EIF4A2: variants seen among roughly 807,000 people sequenced by gnomAD.
EIF4A2 encodes eukaryotic initiation factor 4A-II.
A neutral mutation model predicts 50.6 loss-of-function variants in EIF4A2; 9 were observed. The ratio of observed to expected loss-of-function variants is 0.18; its 90% CI spans 0.11 to 0.31. The LOEUF (loss-of-function observed/expected upper bound fraction) is 0.31, where lower values mean the gene tolerates loss of function less well. EIF4A2 is among the 10% of genes least tolerant of loss of function. The pLI, the probability that EIF4A2 is intolerant of heterozygous loss-of-function variation, is 1.00. For missense variants in EIF4A2, 182 were observed against 501.8 expected (o/e 0.36, Z 6.09); for synonymous variants, 215 against 164.4 (o/e 1.31, Z -2.35).
rs765159897 is a variant in EIF4A2 at position 186,784,678 on chromosome 3, A to G, written c.190A>G (p.Ile64Val). 5.6e-6 allele frequency: 9 copies of G among 1,614,158 alleles called. No homozygotes were observed. The highest frequency in any genetic ancestry group is 1.3e-5 in the African/African-American group (1 of 75,058). Reference sequence around the variant, plus strand: ...GCCTTCCGCTATTCAGCAGAGAGCTATTATTCCCTGTATTAAAGGTAAAAG... The same window carrying G: ...GCCTTCCGCTATTCAGCAGAGAGCTGTTATTCCCTGTATTAAAGGTAAAAG... Reference protein sequence around the residue: ...EKPSAIQQRAIIPCIKGYDVI... With the variant: ...EKPSAIQQRAVIPCIKGYDVI... The change falls in exon 3 of 11, where the codon ATT (isoleucine) becomes GTT (valine). Residue 64 changes from isoleucine (I) to valine (V), a missense_variant. By Grantham distance (29) the Ile-to-Val change is conservative (BLOSUM62 3). Transcript: ENST00000323963.
At chr3:186,785,559 A>G (rs1263810577) in intron 4 of EIF4A2, 4 of 321,470 alleles carry the variant, frequency 1.2e-5, no homozygotes, top group Non-Finnish European at 2.3e-5. Context: ...GAAAAAAATC[A>G]TTTGCCCTAG....
In EIF4A2 at chr3:186,785,958, C is replaced by A; in HGVS notation, c.424C>A (p.Arg142=). The A allele has an allele frequency of 1.9e-6, 3 of 1,613,038 alleles. No individual in the cohort carries two copies. Among genetic ancestry groups the A allele is most frequent in the Non-Finnish European group, 2.5e-6 (3 of 1,179,116 alleles). The change falls in exon 5 of 11, where the codon CGA becomes AGA. Residue 142 remains arginine (R), a synonymous_variant. Coordinates refer to ENST00000323963, the MANE Select transcript of EIF4A2 (RefSeq NM_001967.4). ...CHACIGGTNV[R]NEMQKLQAEA... is the part of the protein sequence containing the mutation. ...TGCCTGCATTGGTGGAACAAATGTTCGAAATGAAATGCAAAAACTGCAGGC... is the reference window on the plus strand; with the variant it reads ...TGCCTGCATTGGTGGAACAAATGTTAGAAATGAAATGCAAAAACTGCAGGC...
rs1721984548 is a variant in EIF4A2, at chr3:186,789,284, G to A, written c.*15G>A. The A allele has an allele frequency of 1.2e-6, 2 of 1,600,090 alleles. No homozygotes were observed. Among genetic ancestry groups the A allele is most frequent in the South Asian group, 1.1e-5 (1 of 89,554 alleles). ...ACCTTATTTAATTCCTGGGATGAGA[G>A]TTTTGGATGCAGTGCTCGCTGTTGC... On this transcript the variant is annotated 3_prime_UTR_variant, in exon 11 of 11. Coordinates refer to ENST00000323963, the MANE Select transcript of EIF4A2 (RefSeq NM_001967.4).
intron 4 of EIF4A2, chr3:186,785,647 A>G (rs1026843439): frequency 3.5e-5 from 17 of 481,796 alleles, no homozygotes; most frequent in Middle Eastern, 5.5e-4. Context: ...TTATTCTTGG[A>G]TTGTCTAGCT....
At chr3:186,788,494 T>C (rs1721906755) in intron 10 of EIF4A2, 1 of 1,155,560 alleles carries the variant, frequency 8.7e-7, no homozygotes, top group Non-Finnish European at 1.1e-6. Context: ...TTTTTTTGTA[T>C]TAGTATTTCT....
At chr3:186,787,323 A>AGCT in intron 8 of EIF4A2, 59 bp downstream of exon 8, 1 of 1,613,738 alleles carries the variant, frequency 6.2e-7, no homozygotes, top group Non-Finnish European at 8.5e-7. Context: ...ACTACAATAT[A>AGCT]GCTGCTAAGT....
chr3:186,786,317 T>C, intron 6 of EIF4A2, 44 bp downstream of exon 6: 1 of 1,571,790 alleles, frequency 6.4e-7, no homozygotes, highest in Non-Finnish European at 8.7e-7. Flanking sequence ...AGATGGGGTT[T>C]ATTTAATGCA....
chr3:186,789,295 A>G lies in EIF4A2; in HGVS notation c.*26A>G. ...TTCCTGGGATGAGAGTTTTGGATGC[A>G]GTGCTCGCTGTTGCTGAATAGGCGA... is the stretch of plus-strand genomic sequence containing the variant. On this transcript the variant is annotated 3_prime_UTR_variant, in exon 11 of 11. Transcript: ENST00000323963. 6.3e-7 allele frequency: 1 copy of G among 1,593,516 alleles called. No homozygotes were observed. The highest frequency in any genetic ancestry group is 8.5e-7 in the Non-Finnish European group (1 of 1,170,216).
chr3:186,787,746 C>T (rs1434424180), intron 9 of EIF4A2, 57 bp from the exon 10 acceptor site: 5 of 1,609,614 alleles, frequency 3.1e-6, no homozygotes, highest in African/African-American at 2.7e-5. Flanking sequence ...TTGTGGCCTA[C>T]ATGACAGGTG....
chr3:186,788,864 C>G (rs1721948972), intron 10 of EIF4A2: 1 of 404,160 alleles, frequency 2.5e-6, no homozygotes, highest in African/African-American at 2.1e-5. Context: ...AAACACGATA[C>G]TGTCATCTGC....
Position 186,789,781 on chromosome 3 carries a change from C to T in EIF4A2, c.*512C>T. 4 of 559,774 alleles carry T rather than the reference C, an allele frequency of 7.1e-6. No homozygotes were observed. Among genetic ancestry groups the T allele is most frequent in the East Asian group, 5.9e-5 (2 of 34,012 alleles). 34.7% of individuals were successfully genotyped at this position (559,774 alleles called of 1,614,324 possible). ...AATTAGTGCTAAGTGTGAACTGGAC[C>T]CTGTTGCTAAGCCCCAGCAAGCAAT... On this transcript the variant is annotated 3_prime_UTR_variant, in exon 11 of 11. Transcript: ENST00000323963.
At chr3:186,788,591 A>G (rs1376364088) in intron 10 of EIF4A2, 3 of 377,162 alleles carry the variant, frequency 8.0e-6, no homozygotes, top group African/African-American at 2.1e-5. Context: ...CGTTTAGAGT[A>G]ATTTGAGTTA....
Position 186,789,786 on chromosome 3 carries a change from T to TG in EIF4A2, c.*518dup. On this transcript the variant is annotated 3_prime_UTR_variant, in exon 11 of 11. Coordinates refer to ENST00000323963, the MANE Select transcript of EIF4A2 (RefSeq NM_001967.4). ...GTGCTAAGTGTGAACTGGACCCTGT[T>TG]GCTAAGCCCCAGCAAGCAATCCTAG... is the stretch of plus-strand genomic sequence containing the variant. The TG allele has an allele frequency of 1.7e-6, 1 of 572,996 alleles. No homozygotes were observed. The highest frequency in any genetic ancestry group is 3.1e-6 in the Non-Finnish European group (1 of 324,490). 35.5% of individuals were successfully genotyped at this position (572,996 alleles called of 1,614,324 possible).
rs746340390 is a variant in EIF4A2, at chr3:186,786,667, A to G, written c.771+22A>G. On this transcript the variant is annotated intron_variant, in intron 7 of 10. Coordinates refer to ENST00000323963, the MANE Select transcript of EIF4A2 (RefSeq NM_001967.4). ...AGAGGTAACTGTCTGATTGTTAGACATTATTTTACCTTCTTGTATAAGCAC... is the reference window on the plus strand; with the variant it reads ...AGAGGTAACTGTCTGATTGTTAGACGTTATTTTACCTTCTTGTATAAGCAC... 3.1e-6 allele frequency: 5 copies of G among 1,613,700 alleles called. No homozygotes were observed. In the East Asian group the frequency reaches 6.7e-5, roughly 22 times the overall value.
chr3:186,787,031 T>C, intron 7 of EIF4A2, 96 bp from the exon 8 acceptor site: 1 of 1,489,954 alleles, frequency 6.7e-7, no homozygotes, highest in African/African-American at 1.4e-5. Flanking sequence ...GGGCTGGGAT[T>C]ACAGGCATTA....
At chr3:186,786,088 C>G (rs200902301) in intron 5 of EIF4A2, 37 bp downstream of exon 5, 1 of 1,599,722 alleles carries the variant, frequency 6.3e-7, no homozygotes, top group Non-Finnish European at 8.6e-7. Context: ...TTTTTTAAAA[C>G]TGTTAACATA....
chr3:186,786,346 C>G lies in EIF4A2; in HGVS notation c.627+73C>G, dbSNP rs1285629049. 1.2e-5 allele frequency: 18 copies of G among 1,524,540 alleles called. No homozygotes were observed. The Admixed American group carries it at 3.2e-4, about 28-fold the overall frequency. The allele number at this position is 1,524,540 out of a possible 1,614,324, so 94.4% of individuals were successfully genotyped here. On this transcript the variant is annotated intron_variant, in intron 6 of 10. Coordinates refer to ENST00000323963, the MANE Select transcript of EIF4A2 (RefSeq NM_001967.4). Reference sequence around the variant, plus strand: ...TAATGCAGGTACTGTTACAATACAACTGATGTGTTTTGTTGTCGTTCCCCC... The same window carrying G: ...TAATGCAGGTACTGTTACAATACAAGTGATGTGTTTTGTTGTCGTTCCCCC...
chr3:186,784,238 G>C, intron 1 of EIF4A2, 194 bp from the exon 2 acceptor site: 2 of 752,932 alleles, frequency 2.7e-6, no homozygotes, highest in Non-Finnish European at 4.2e-6. Flanking sequence ...CGGGCCTGGG[G>C]GGCTGCCTTT....
intron 10 of EIF4A2, chr3:186,788,865 T>C (rs188675993): frequency 7.3e-6 from 3 of 409,210 alleles, no homozygotes; most frequent in Non-Finnish European, 4.3e-6. Context: ...AACACGATAC[T>C]GTCATCTGCT....
Sources: allele counts gnomAD v4.1 joint callset, GRCh38; gene constraint gnomAD v4.1.1; transcripts MANE v1.5; gene names NCBI Gene and HGNC (gene_info 2026-07-23, HGNC 2026-07-21).